The following KLHL7 variants were observed in gnomAD, a reference collection of about 807,000 sequenced individuals.
KLHL7 encodes the protein kelch like family member 7, also known as kelch-like protein 7.
A neutral mutation model predicts 67.4 loss-of-function variants in KLHL7; 44 were observed. The observed-to-expected ratio is 0.65, with a 90% CI of 0.51 to 0.84. The LOEUF is 0.84. Among genes scored for constraint, KLHL7 ranks in the 40% least tolerant of loss-of-function variants. The probability of loss-of-function intolerance (pLI) is 0.00; values close to 1 mark genes in which losing one functional copy is unlikely to be tolerated. For synonymous variants in KLHL7, 252 were observed against 243.3 expected (o/e 1.04, Z -0.33); for missense variants, 362 against 718.1 (o/e 0.50, Z 5.67).
chr7:23,111,646 C>A (rs1470172129), intron 1 of KLHL7, among the ~76,000 whole-genome samples: 1 of 151,858 alleles, frequency 6.6e-6, no homozygotes, highest in Non-Finnish European at 1.5e-5. Flanking sequence ...CATGGTGAAA[C>A]TCCATCTTTA....
intron 4 of KLHL7, 191 bp from the exon 5 acceptor site, chr7:23,140,572 AAAAAAC>A (rs1490001069): frequency 9.6e-6 from 6 of 627,242 alleles, no homozygotes; most frequent in African/African-American, 8.7e-5. Context: ...ACAAAAAAAC[AAAAAAC>A]AAAAAAAAAA....
chr7:23,106,888 A>G (rs543785154), intron 1 of KLHL7: 1 of 860,178 alleles, frequency 1.2e-6, no homozygotes, highest in East Asian at 1.2e-4. Flanking sequence ...ACCGATAAGC[A>G]TAGAAAGTCA....
At chr7:23,155,521 A>G (rs1225038351) in intron 7 of KLHL7, among the ~76,000 whole-genome samples, 2 of 151,968 alleles carry the variant, frequency 1.3e-5, no homozygotes, top group African/African-American at 4.8e-5. Context: ...AAAATTAGCC[A>G]GGCGTCGTGG....
intron 9 of KLHL7, 121 bp from the exon 10 acceptor site, chr7:23,172,827 C>T (rs891127061): frequency 5.2e-5 from 38 of 730,580 alleles, no homozygotes; most frequent in Admixed American, 5.1e-4. Flanking sequence ...ACATTTTGTG[C>T]GTATATGTAC....
rs1784161789 is a variant in KLHL7, at chr7:23,140,965, C to T, written c.618+21C>T. The T allele has an allele frequency of 3.7e-6, 6 of 1,603,318 alleles. No individual in the cohort carries two copies. In the African/African-American group the frequency reaches 6.7e-5, roughly 18 times the overall value. On this transcript the variant is annotated intron_variant, in intron 5 of 10. Transcript: ENST00000339077. Reference sequence around the variant, plus strand: ...ATCAGGTGACTAAATTGCCTTCTCACATTTTTCTTAATAAAAATGTCTTTA... The same window carrying T: ...ATCAGGTGACTAAATTGCCTTCTCATATTTTTCTTAATAAAAATGTCTTTA...
At position 23,146,691 on chromosome 7, in the gene KLHL7, A is replaced by G. The variant is rs1466873884; in HGVS notation, c.793+2666A>G. 2.0e-5 allele frequency among the ~76,000 whole-genome samples: 3 copies of G among 148,760 alleles called. No individual in the cohort carries two copies. The South Asian group carries it at 6.3e-4, about 31-fold the overall frequency. On this transcript the variant is annotated intron_variant, in intron 6 of 10. Coordinates refer to ENST00000339077, the MANE Select transcript of KLHL7 (RefSeq NM_001031710.3). ...CTTTTTTTTTTAATTTTAAGGCTAT[A>G]TCTTACTGAAATCTATTGGGTGTGA...
At chr7:23,129,359 T>A in intron 4 of KLHL7, 1 of 370,572 alleles carries the variant, frequency 2.7e-6, no homozygotes, top group Non-Finnish European at 5.4e-6. Context: ...AGGCTTTTCT[T>A]GACCAAGGGA....
intron 7 of KLHL7, among the ~76,000 whole-genome samples, chr7:23,161,264 T>G (rs1308063381): frequency 6.6e-6 from 1 of 152,190 alleles, no homozygotes; most frequent in Non-Finnish European, 1.5e-5. Context: ...CATGCCTACA[T>G]GCTATTTTAC....
chr7:23,170,062 A>T (rs943371515), intron 9 of KLHL7, among the ~76,000 whole-genome samples: 2 of 152,122 alleles, frequency 1.3e-5, no homozygotes, highest in African/African-American at 4.8e-5. Flanking sequence ...ATACCAAAAA[A>T]AATTAGCCGG....
chr7:23,119,698 C>G (rs1198439796), intron 1 of KLHL7, among the ~76,000 whole-genome samples: 1 of 152,174 alleles, frequency 6.6e-6, no homozygotes, highest in African/African-American at 2.4e-5. Flanking sequence ...TGTCATATAT[C>G]AAATTGCCAC....
intron 8 of KLHL7, among the ~76,000 whole-genome samples, chr7:23,166,664 A>C (rs901271344): frequency 6.6e-6 from 1 of 152,200 alleles, no homozygotes; most frequent in Non-Finnish European, 1.5e-5. Context: ...CTATATGTCA[A>C]ATGAATACAA....
chr7:23,130,653 T>G (rs1353700912), intron 4 of KLHL7, among the ~76,000 whole-genome samples: 1 of 152,116 alleles, frequency 6.6e-6, no homozygotes, highest in Non-Finnish European at 1.5e-5. Flanking sequence ...CAATGGAAAA[T>G]GTAATTTAAA....
chr7:23,130,070 G>A (rs188959033), intron 4 of KLHL7, among the ~76,000 whole-genome samples: 4 of 152,264 alleles, frequency 2.6e-5, no homozygotes, highest in Non-Finnish European at 4.4e-5. Flanking sequence ...CATCTAATGT[G>A]TTTTATCCAG....
chr7:23,132,832 A>G (rs906297700), intron 4 of KLHL7, among the ~76,000 whole-genome samples: 1 of 152,196 alleles, frequency 6.6e-6, no homozygotes, highest in African/African-American at 2.4e-5. Flanking sequence ...GATGAGAGAT[A>G]GGGGTCTAAT....
chr7:23,135,257 A>G (rs1188481171), intron 4 of KLHL7, among the ~76,000 whole-genome samples: 7 of 152,292 alleles, frequency 4.6e-5, no homozygotes, highest in African/African-American at 1.7e-4. Flanking sequence ...TCCTCTTGTT[A>G]TTAATATCTA....
At chr7:23,121,922 T>C (rs915646295) in intron 1 of KLHL7, among the ~76,000 whole-genome samples, 2 of 152,026 alleles carry the variant, frequency 1.3e-5, no homozygotes, top group Non-Finnish European at 2.9e-5. Context: ...GACCTTGTGA[T>C]CCGCCCGCCT....
At chr7:23,172,004 C>T (rs575871403) in intron 9 of KLHL7, among the ~76,000 whole-genome samples, 3 of 152,308 alleles carry the variant, frequency 2.0e-5, no homozygotes, top group South Asian at 2.1e-4. Context: ...CCACCGCGCC[C>T]GGCCGGCCAT....
At chr7:23,152,866 CAT>C (rs1452353332) in intron 7 of KLHL7, among the ~76,000 whole-genome samples, 1 of 152,116 alleles carries the variant, frequency 6.6e-6, no homozygotes, top group Non-Finnish European at 1.5e-5. Context: ...GAAAGAATAC[CAT>C]ATTTTTCTGG....
At chr7:23,152,235 T>C (rs1031057403) in intron 7 of KLHL7, 26 bp downstream of exon 7, 9 of 1,610,908 alleles carry the variant, frequency 5.6e-6, no homozygotes, top group Non-Finnish European at 7.6e-6. Flanking sequence ...TCTTGGTTTT[T>C]GTTGTTGTCT....
Sources: gnomAD v4.1 joint callset for allele counts (sites outside exome capture counted in the v4.1 genomes callset) on GRCh38, gnomAD v4.1.1 for gene constraint, MANE v1.5 for transcripts, NCBI Gene and HGNC (gene_info 2026-07-23, HGNC 2026-07-21) for gene names.